EPHA3: variants seen among roughly 807,000 people sequenced by gnomAD.
The protein encoded by EPHA3 is ephrin type-A receptor 3.
Under a neutral mutation model 107.1 loss-of-function variants are expected in EPHA3, and 42 were observed. The ratio of observed to expected loss-of-function variants is 0.39; its 90% CI spans 0.31 to 0.51. The LOEUF is 0.51. EPHA3 is among the 20% of genes least tolerant of loss of function. The probability of loss-of-function intolerance (pLI) is 0.78; values close to 1 mark genes in which losing one functional copy is unlikely to be tolerated. For missense variants in EPHA3, 1,183 were observed against 1,211.2 expected (o/e 0.98, Z 0.35); for synonymous variants, 461 against 424.8 (o/e 1.09, Z -1.05).
intron 15 of EPHA3, among the ~76,000 whole-genome samples, chr3:89,460,813 CTCTG>C (rs1487099840): frequency 1.5e-5 from 2 of 131,752 alleles, no homozygotes; most frequent in Non-Finnish European, 3.3e-5. Flanking sequence ...CAAGTGATCT[CTCTG>C]TCTCTCTTTT....
intron 10 of EPHA3, among the ~76,000 whole-genome samples, chr3:89,413,928 A>G (rs1709201083): frequency 6.6e-6 from 1 of 151,692 alleles, no homozygotes; most frequent in Admixed American, 6.6e-5. Context: ...ACAGTATTTT[A>G]TATATTTACA....
intron 9 of EPHA3, 38 bp downstream of exon 9, chr3:89,408,169 G>C: frequency 6.3e-7 from 1 of 1,593,922 alleles, no homozygotes. Context: ...TTGCTTCACC[G>C]TTTTAGCTTT....
In EPHA3 at chr3:89,479,647, T is replaced by C. The variant is rs1312158164; in HGVS notation, c.*145T>C. On this transcript the variant is annotated 3_prime_UTR_variant, in exon 17 of 17. Coordinates refer to ENST00000336596, the MANE Select transcript of EPHA3 (RefSeq NM_005233.6). ...AAATATGAGTACAAATGCCTTAAAA[T>C]GGAATTGAAAAACTCTTTATTTTCC... 1.7e-6 allele frequency: 1 copy of C among 574,926 alleles called. No homozygotes were observed. Among genetic ancestry groups the C allele is most frequent in the Non-Finnish European group, 3.1e-6 (1 of 327,108 alleles). 35.6% of individuals were successfully genotyped at this position (574,926 alleles called of 1,614,324 possible). A position where few individuals can be genotyped will look rare whatever the true frequency, so the allele number is the denominator to read the frequency against.
At chr3:89,127,172 G>C (rs1231399293) in intron 1 of EPHA3, 37 bp from the exon 2 acceptor site, 2 of 1,496,350 alleles carry the variant, frequency 1.3e-6, no homozygotes, top group Non-Finnish European at 1.9e-6. Flanking sequence ...ATAATTCACT[G>C]TTATTAACTG....
At chr3:89,274,960 T>C (rs1705770217) in intron 3 of EPHA3, among the ~76,000 whole-genome samples, 1 of 152,044 alleles carries the variant, frequency 6.6e-6, no homozygotes, top group African/African-American at 2.4e-5. Context: ...AGGCATGTCA[T>C]TTTTACTTTA....
At chr3:89,267,149 T>C (rs1272405277) in intron 3 of EPHA3, among the ~76,000 whole-genome samples, 7 of 152,032 alleles carry the variant, frequency 4.6e-5, no homozygotes, top group African/African-American at 4.8e-5. Context: ...GGATAAAACA[T>C]GTAACAGAAG....
intron 2 of EPHA3, among the ~76,000 whole-genome samples, chr3:89,131,648 A>G (rs1208856481): frequency 2.0e-5 from 3 of 152,212 alleles, no homozygotes; most frequent in Non-Finnish European, 4.4e-5. Flanking sequence ...AGAAACTCCA[A>G]TAAGAAGAGA....
At chr3:89,329,710 T>C (rs1431894974) in intron 3 of EPHA3, among the ~76,000 whole-genome samples, 1 of 152,116 alleles carries the variant, frequency 6.6e-6, no homozygotes, top group East Asian at 1.9e-4. Flanking sequence ...AAACCTGTTA[T>C]AGTGCATCTT....
At chr3:89,391,025 A>T (rs1708718019) in intron 5 of EPHA3, among the ~76,000 whole-genome samples, 1 of 151,958 alleles carries the variant, frequency 6.6e-6, no homozygotes, top group East Asian at 1.9e-4. Context: ...ACTGCAGGTG[A>T]TCCATCTGCC....
intron 2 of EPHA3, among the ~76,000 whole-genome samples, chr3:89,204,402 G>A (rs1706048912): frequency 6.6e-6 from 1 of 151,712 alleles, no homozygotes. Flanking sequence ...GTTAATCATA[G>A]GGATTTTCCA....
At chr3:89,441,552 T>C (rs1415044438) in intron 13 of EPHA3, among the ~76,000 whole-genome samples, 1 of 152,218 alleles carries the variant, frequency 6.6e-6, no homozygotes, top group Non-Finnish European at 1.5e-5. Context: ...TTTTATAATA[T>C]TCTAAATGCC....
chr3:89,207,133 GT>G (rs929477882), intron 2 of EPHA3, among the ~76,000 whole-genome samples: 2 of 151,950 alleles, frequency 1.3e-5, no homozygotes, highest in African/African-American at 4.8e-5. Flanking sequence ...TTCACAAATT[GT>G]TTTTTATAAT....
intron 3 of EPHA3, among the ~76,000 whole-genome samples, chr3:89,317,030 A>G (rs1706925249): frequency 2.0e-5 from 3 of 151,762 alleles, no homozygotes; most frequent in Admixed American, 6.6e-5. Flanking sequence ...ACCGTACCAT[A>G]TCCATCCTAC....
chr3:89,432,347 A>T (rs1412572126), intron 13 of EPHA3, among the ~76,000 whole-genome samples: 1 of 152,072 alleles, frequency 6.6e-6, no homozygotes, highest in Admixed American at 6.6e-5. Flanking sequence ...ATGCATTTGA[A>T]TTTTTTGTGA....
At chr3:89,445,625 A>C (rs1159639634) in intron 13 of EPHA3, among the ~76,000 whole-genome samples, 4 of 152,192 alleles carry the variant, frequency 2.6e-5, no homozygotes, top group Non-Finnish European at 4.4e-5. Flanking sequence ...TCCAAAATAA[A>C]ATGAAAATAA....
chr3:89,333,885 A>G (rs1400857068), intron 3 of EPHA3, among the ~76,000 whole-genome samples: 1 of 152,156 alleles, frequency 6.6e-6, no homozygotes, highest in African/African-American at 2.4e-5. Flanking sequence ...CAAAAAGAAA[A>G]AAAAAAATAA....
intron 3 of EPHA3, among the ~76,000 whole-genome samples, chr3:89,300,036 G>T (rs1450628127): frequency 1.3e-5 from 2 of 151,876 alleles, no homozygotes; most frequent in Admixed American, 6.6e-5. Context: ...AACAACAAAA[G>T]AATTTAAAAA....
At chr3:89,354,673 T>C (rs1258899924) in intron 5 of EPHA3, among the ~76,000 whole-genome samples, 2 of 151,134 alleles carry the variant, frequency 1.3e-5, no homozygotes, top group African/African-American at 4.8e-5. Context: ...TTCTGCTCCT[T>C]TTTATTATTA....
intron 2 of EPHA3, among the ~76,000 whole-genome samples, chr3:89,196,603 C>A (rs1413055281): frequency 1.3e-5 from 2 of 148,164 alleles, no homozygotes; most frequent in African/African-American, 5.3e-5. Flanking sequence ...GGGTTTTATG[C>A]CTTTTTCCAT....
Sources: allele counts gnomAD v4.1 joint callset (sites outside exome capture counted in the v4.1 genomes callset), GRCh38; gene constraint gnomAD v4.1.1; transcripts MANE v1.5; gene names NCBI Gene and HGNC (gene_info 2026-07-23, HGNC 2026-07-21).